PPP1R13B: variants seen among roughly 807,000 people sequenced by gnomAD.
PPP1R13B encodes protein phosphatase 1 regulatory subunit 13B.
A neutral mutation model predicts 119.8 loss-of-function variants in PPP1R13B; 44 were observed. The observed-to-expected ratio is 0.37, with a 90% CI of 0.29 to 0.47. The LOEUF (loss-of-function observed/expected upper bound fraction) is 0.47. Ranked by LOEUF, PPP1R13B falls within the 20% of genes least tolerant of loss-of-function variation. The pLI is 0.99. For missense variants in PPP1R13B, 1,227 were observed against 1,413.5 expected, an observed-to-expected ratio of 0.87 and a Z score of 2.12; for synonymous variants, 542 against 561.5, an observed-to-expected ratio of 0.97 and a Z score of 0.49.
At position 103,778,929 on chromosome 14, in the gene PPP1R13B, C is replaced by T. The variant is rs561300060; in HGVS notation, c.278-108G>A. 1.8e-5 allele frequency: 15 copies of T among 852,160 alleles called. No individual in the cohort carries two copies. The African/African-American group carries it at 2.2e-4, about 13-fold the overall frequency. 52.8% of individuals were successfully genotyped at this position (852,160 alleles called of 1,614,324 possible). A position where few individuals can be genotyped will look rare whatever the true frequency, so the allele number is the denominator to read the frequency against. On this transcript the variant is annotated intron_variant, in intron 3 of 16. Transcript: ENST00000202556. ...TTTATTGAACACAAGTGTAAAATAC[C>T]AGGCTGAGAAATTCAAGACTTTAGT... is the stretch of plus-strand genomic sequence containing the variant.
intron 1 of PPP1R13B, chr14:103,846,686 T>C: frequency 4.4e-6 from 2 of 454,876 alleles, no homozygotes; most frequent in Non-Finnish European, 8.8e-6. Context: ...GAAAGCATCC[T>C]TAAGGGCAGG....
intron 3 of PPP1R13B, among the ~76,000 whole-genome samples, chr14:103,783,770 C>G (rs956636885): frequency 6.6e-6 from 1 of 152,068 alleles, no homozygotes; most frequent in Non-Finnish European, 1.5e-5. Flanking sequence ...AGGATGGTCT[C>G]GAACTACTTG....
chr14:103,815,112 G>T (rs2086247956), intron 1 of PPP1R13B, among the ~76,000 whole-genome samples: 1 of 152,122 alleles, frequency 6.6e-6, no homozygotes, highest in Admixed American at 6.5e-5. Context: ...CCATAAAAAG[G>T]ATTCAAATGA....
chr14:103,825,375 C>T (rs973305216), intron 1 of PPP1R13B, among the ~76,000 whole-genome samples: 3 of 152,104 alleles, frequency 2.0e-5, no homozygotes, highest in African/African-American at 2.4e-5. Flanking sequence ...AAATGATTAA[C>T]CTTAAGAGGA....
At chr14:103,792,397 C>T (rs1259874957) in intron 2 of PPP1R13B, among the ~76,000 whole-genome samples, 6 of 152,028 alleles carry the variant, frequency 3.9e-5, no homozygotes, top group South Asian at 2.1e-4. Flanking sequence ...AGGTTGGTCT[C>T]GAAGTTCTGG....
chr14:103,793,819 T>C (rs1022597713), intron 2 of PPP1R13B, among the ~76,000 whole-genome samples: 3 of 152,198 alleles, frequency 2.0e-5, no homozygotes, highest in African/African-American at 7.2e-5. Context: ...GCTAATGACC[T>C]GGCCAAATTA....
chr14:103,753,011 G>C lies in PPP1R13B; in HGVS notation c.817C>G (p.Gln273Glu), dbSNP rs1290517598. The C allele has an allele frequency of 2.5e-6, 4 of 1,613,836 alleles. No homozygotes were observed. The African/African-American group carries it at 4.0e-5, about 16-fold the overall frequency. Residue 273 changes from glutamine (Q) to glutamate (E), a missense_variant, in exon 7 of 17, where the codon CAA becomes GAA. Coordinates refer to ENST00000202556, the MANE Select transcript of PPP1R13B (RefSeq NM_015316.3). ...GACCCAGGAGTTACCTGTAGTTCTTGGTACAGTCTTTTTAACTCCACCGCC... is the reference window on the plus strand; with the variant it reads ...GACCCAGGAGTTACCTGTAGTTCTTCGTACAGTCTTTTTAACTCCACCGCC... ...PAAVELKRLY[Q>E]ELQIRNQLNQ...
At chr14:103,844,989 C>T (rs970406493) in intron 1 of PPP1R13B, among the ~76,000 whole-genome samples, 2 of 151,986 alleles carry the variant, frequency 1.3e-5, no homozygotes, top group Admixed American at 6.6e-5. Flanking sequence ...ATATTGAATA[C>T]GTGTTAAAAT....
intron 7 of PPP1R13B, among the ~76,000 whole-genome samples, chr14:103,750,314 CAAA>C (rs1227918728): frequency 6.6e-6 from 1 of 152,152 alleles, no homozygotes; most frequent in East Asian, 1.9e-4. Flanking sequence ...GCAGGAAACT[CAAA>C]AAGGACCAAA....
At chr14:103,749,566 G>A (rs2084485278) in intron 8 of PPP1R13B, among the ~76,000 whole-genome samples, 1 of 152,260 alleles carries the variant, frequency 6.6e-6, no homozygotes. Flanking sequence ...GGAAGGCCAG[G>A]ACACTGAGAG....
At chr14:103,770,754 C>G (rs550300777) in intron 4 of PPP1R13B, among the ~76,000 whole-genome samples, 9 of 152,216 alleles carry the variant, frequency 5.9e-5, no homozygotes, top group South Asian at 2.1e-4. Context: ...GTAACAACAC[C>G]TAAAAGGCAA....
At position 103,738,651 on chromosome 14, in the gene PPP1R13B, G is replaced by T. The variant is rs2084172139; in HGVS notation, c.2864+28C>A. On this transcript the variant is annotated intron_variant, in intron 14 of 16. Coordinates refer to ENST00000202556, the MANE Select transcript of PPP1R13B (RefSeq NM_015316.3). The surrounding 1 kb of genome is among the most constrained non-coding windows in gnomAD (Gnocchi z 5.6). ...TATGCAAAGCAGGGAAAGTAAATCTGTCCACCCCACACTCCTACGGGCCTC... is the reference window on the plus strand; with the variant it reads ...TATGCAAAGCAGGGAAAGTAAATCTTTCCACCCCACACTCCTACGGGCCTC... 3.1e-6 allele frequency: 5 copies of T among 1,611,908 alleles called. No individual in the cohort carries two copies. The highest frequency in any genetic ancestry group is 4.2e-6 in the Non-Finnish European group (5 of 1,178,334).
rs769827921 is a variant in PPP1R13B, at chr14:103,742,731, C to A, written c.1243G>T (p.Val415Leu). 6.2e-7 allele frequency: 1 copy of A among 1,614,114 alleles called. No homozygotes were observed. The highest frequency in any genetic ancestry group is 8.5e-7 in the Non-Finnish European group (1 of 1,180,038). The change falls in exon 10 of 17, where the codon GTG becomes TTG. Residue 415 changes from valine (V) to leucine (L), a missense_variant. Transcript: ENST00000202556. This position sits in a 1 kb window ranked among gnomAD's most constrained non-coding sequence, Gnocchi z 4.9. ...GTGCCCTGCTTGACAGACCCCTCCA[C>A]GCTCGGATCCTTCCAGTCTGCACCG... ...VAGADWKDPS[V>L]EGSVKQGTVS... is the part of the protein sequence containing the mutation.
At chr14:103,846,628 A>G (rs1335856795) in intron 1 of PPP1R13B, 5 of 410,936 alleles carry the variant, frequency 1.2e-5, no homozygotes, top group Admixed American at 5.7e-5. Flanking sequence ...GGTAAAGGGA[A>G]GGGTCGGTAG....
intron 8 of PPP1R13B, among the ~76,000 whole-genome samples, chr14:103,747,860 C>A (rs555341555): frequency 6.6e-6 from 1 of 152,102 alleles, no homozygotes; most frequent in African/African-American, 2.4e-5. Flanking sequence ...AGCAGATGAC[C>A]CTCTAGAAGG....
chr14:103,779,021 C>T (rs1343676008), intron 3 of PPP1R13B, among the ~76,000 whole-genome samples, 200 bp from the exon 4 acceptor site: 1 of 152,182 alleles, frequency 6.6e-6, no homozygotes, highest in East Asian at 1.9e-4. Flanking sequence ...CGCTCAGTGG[C>T]TCACACCTAT....
intron 1 of PPP1R13B, among the ~76,000 whole-genome samples, chr14:103,810,891 C>A (rs900613714): frequency 4.7e-5 from 7 of 150,152 alleles, no homozygotes; most frequent in Non-Finnish European, 1.0e-4. Context: ...GAGTTCAAGA[C>A]CAGCCTGGGC....
At position 103,733,266 on chromosome 14, in the gene PPP1R13B, GAC is replaced by G; in HGVS notation, c.*1886_*1887del. On this transcript the variant is annotated 3_prime_UTR_variant, in exon 17 of 17. Coordinates refer to ENST00000202556, the MANE Select transcript of PPP1R13B (RefSeq NM_015316.3). ...TCAATACTTAATTGGGGGTGGGAGAGACTGAGCTACACTACTGCTAAACTATT... is the reference window on the plus strand; with the variant it reads ...TCAATACTTAATTGGGGGTGGGAGAGTGAGCTACACTACTGCTAAACTATT... 1.9e-6 allele frequency: 1 copy of G among 519,186 alleles called. No individual in the cohort carries two copies. Among genetic ancestry groups the G allele is most frequent in the East Asian group, 3.3e-5 (1 of 30,252 alleles). The allele number at this position is 519,186 out of a possible 1,614,324, so 32.2% of individuals were successfully genotyped here.
intron 4 of PPP1R13B, among the ~76,000 whole-genome samples, chr14:103,765,683 TC>T (rs1326784932): frequency 6.6e-6 from 1 of 152,100 alleles, no homozygotes; most frequent in Admixed American, 6.6e-5. Context: ...ACAGTGCCCT[TC>T]CCCCACTGCT....
Sources: gnomAD v4.1 joint callset for allele counts (sites outside exome capture counted in the v4.1 genomes callset) on GRCh38, gnomAD v4.1.1 for gene constraint, Gnocchi (gnomAD v3.1) non-coding constraint, MANE v1.5 for transcripts, NCBI Gene and HGNC (gene_info 2026-07-23, HGNC 2026-07-21) for gene names.